The following INSYN2A variants were observed in gnomAD, a reference collection of about 807,000 sequenced individuals.
INSYN2A encodes the protein family with sequence similarity 196 member A.
In INSYN2A, 17 loss-of-function variants were observed where a neutral mutation model predicts 39.4. That is an observed-to-expected ratio of 0.43 (90% CI 0.30 to 0.65). INSYN2A has a LOEUF of 0.65. Among genes scored for constraint, INSYN2A ranks in the 30% least tolerant of loss-of-function variants. INSYN2A has a pLI of 0.14. For missense variants in INSYN2A, 595 were observed against 631.2 expected, an observed-to-expected ratio of 0.94 and a Z score of 0.61; for synonymous variants, 255 against 265.7, an observed-to-expected ratio of 0.96 and a Z score of 0.39.
intron 4 of INSYN2A, among the ~76,000 whole-genome samples, chr10:127,170,659 T>A (rs1311365594): frequency 1.3e-5 from 2 of 152,170 alleles, no homozygotes; most frequent in Non-Finnish European, 2.9e-5. Flanking sequence ...GGTCTGAGGA[T>A]CTCCTGCCCA....
intron 4 of INSYN2A, among the ~76,000 whole-genome samples, chr10:127,168,643 G>A (rs1485738083): frequency 6.6e-6 from 1 of 152,208 alleles, no homozygotes; most frequent in Non-Finnish European, 1.5e-5. Context: ...TATTAAGTGG[G>A]TAGGTTTTGG....
At chr10:127,187,795 C>CAAGCAA (rs759200445) in intron 2 of INSYN2A, among the ~76,000 whole-genome samples, 1 of 152,028 alleles carries the variant, frequency 6.6e-6, no homozygotes, top group Non-Finnish European at 1.5e-5. Flanking sequence ...AGCAAGCAAG[C>CAAGCAA]AAGCAAAAGC....
At chr10:127,187,690 C>G (rs1026677590) in intron 2 of INSYN2A, among the ~76,000 whole-genome samples, 1 of 150,448 alleles carries the variant, frequency 6.6e-6, no homozygotes, top group African/African-American at 2.5e-5. Context: ...ACTTGGAGGC[C>G]AGGAAGTTAA....
chr10:127,190,185 C>T (rs1376519980), intron 2 of INSYN2A, among the ~76,000 whole-genome samples: 1 of 152,230 alleles, frequency 6.6e-6, no homozygotes, highest in East Asian at 1.9e-4. Context: ...TTCTACCCAA[C>T]TGAATTTTCA....
At chr10:127,178,602 C>T (rs565020829) in intron 2 of INSYN2A, among the ~76,000 whole-genome samples, 2 of 152,268 alleles carry the variant, frequency 1.3e-5, no homozygotes, top group African/African-American at 4.8e-5. Flanking sequence ...TATAGTGTGT[C>T]CTGAAAGGTG....
At chr10:127,153,387 C>T (rs1002231799) in intron 5 of INSYN2A, among the ~76,000 whole-genome samples, 4 of 152,236 alleles carry the variant, frequency 2.6e-5, no homozygotes, top group African/African-American at 4.8e-5. Context: ...GGATTCTGCC[C>T]GGAGACAGGC....
intron 2 of INSYN2A, among the ~76,000 whole-genome samples, chr10:127,187,752 AAGAG>A (rs1173576895): frequency 6.6e-6 from 1 of 150,824 alleles, no homozygotes; most frequent in Non-Finnish European, 1.5e-5. Context: ...GAAAGAGAGA[AAGAG>A]AGAAAGAAAG....
chr10:127,153,733 C>A, intron 5 of INSYN2A, 119 bp downstream of exon 5: 1 of 743,812 alleles, frequency 1.3e-6, no homozygotes, highest in South Asian at 1.7e-5. Flanking sequence ...CAAGTAAGGT[C>A]CTTCACTTTT....
chr10:127,182,547 C>T (rs2055838018), intron 2 of INSYN2A, among the ~76,000 whole-genome samples: 1 of 152,124 alleles, frequency 6.6e-6, no homozygotes, highest in Non-Finnish European at 1.5e-5. Flanking sequence ...CTTTGCTCAT[C>T]CTGCTACATT....
At chr10:127,164,337 C>T (rs1405724188) in intron 4 of INSYN2A, among the ~76,000 whole-genome samples, 1 of 151,882 alleles carries the variant, frequency 6.6e-6, no homozygotes, top group Non-Finnish European at 1.5e-5. Context: ...GTGCCCGCCA[C>T]CACACCCCAC....
chr10:127,172,495 T>C (rs1320772533), intron 4 of INSYN2A, among the ~76,000 whole-genome samples: 2 of 152,188 alleles, frequency 1.3e-5, no homozygotes, highest in African/African-American at 4.8e-5. Context: ...TGCAGTCCTC[T>C]CCTATGTTCT....
At chr10:127,144,654 A>C (rs2051617978) in intron 5 of INSYN2A, among the ~76,000 whole-genome samples, 1 of 152,162 alleles carries the variant, frequency 6.6e-6, no homozygotes, top group Non-Finnish European at 1.5e-5. Flanking sequence ...GTTATATACT[A>C]TTTCTATATT....
intron 4 of INSYN2A, among the ~76,000 whole-genome samples, chr10:127,156,210 C>T (rs1176257333): frequency 6.6e-6 from 1 of 152,162 alleles, no homozygotes; most frequent in Non-Finnish European, 1.5e-5. Context: ...TTCCCAGTGC[C>T]TCACTTGCAT....
intron 2 of INSYN2A, among the ~76,000 whole-genome samples, chr10:127,191,726 T>C (rs966707222): frequency 3.3e-5 from 5 of 152,184 alleles, no homozygotes; most frequent in Non-Finnish European, 7.3e-5. Flanking sequence ...GAATAGGATA[T>C]AGCCCCATGC....
chr10:127,196,294 G>A lies in INSYN2A; in HGVS notation c.-692C>T, dbSNP rs2057141731. ...TTAGCGACGCGCGCGGGGAGGCAGC[G>A]GCTGGGCCAGCTCCGGGGACGCCCG... is the stretch of plus-strand genomic sequence containing the variant. On this transcript the variant is annotated 5_prime_UTR_variant, in exon 1 of 6. Transcript: ENST00000522781. The A allele has an allele frequency of 6.7e-6, 1 of 148,906 alleles. No individual in the cohort carries two copies. The highest frequency in any genetic ancestry group is 1.5e-5 in the Non-Finnish European group (1 of 66,978). The allele number at this position is 148,906 out of a possible 1,614,324, so 9.2% of individuals were successfully genotyped here.
At chr10:127,146,659 T>G (rs943230185) in intron 5 of INSYN2A, among the ~76,000 whole-genome samples, 6 of 152,118 alleles carry the variant, frequency 3.9e-5, no homozygotes, top group Non-Finnish European at 7.3e-5. Context: ...CACTAAACAT[T>G]AGGCAAAAGG....
rs889229055 is a variant in INSYN2A, at chr10:127,176,188, C to G, written c.208G>C (p.Gly70Arg). Residue 70 changes from glycine to arginine, a missense_variant, in exon 4 of 6, where the codon GGG becomes CGG. Gly to Arg is a moderately radical substitution (Grantham distance 125). This residue lies in a region of INSYN2A where 478 missense variants were observed against 467.4 expected (regional missense o/e 1.02). Transcript: ENST00000522781. This position sits in a 1 kb window ranked among gnomAD's most constrained non-coding sequence, Gnocchi z 4.4. ...RDTQLSSGQLGEKREAKPVSC... is the reference protein window; with the variant it reads ...RDTQLSSGQLREKREAKPVSC... ...ACGGGCTTGGCCTCCCGCTTCTCCC[C>G]CAGCTGGCCCGAGGACAGCTGTGTG... The G allele has an allele frequency of 9.3e-6, 15 of 1,614,138 alleles. No homozygotes were observed. The highest frequency in any genetic ancestry group is 1.3e-5 in the Non-Finnish European group (15 of 1,180,032).
chr10:127,167,706 A>G (rs975676432), intron 4 of INSYN2A, among the ~76,000 whole-genome samples: 4 of 152,102 alleles, frequency 2.6e-5, no homozygotes, highest in Admixed American at 2.6e-4. Context: ...AGGTCTCCTG[A>G]CGCTACATCA....
intron 2 of INSYN2A, among the ~76,000 whole-genome samples, chr10:127,179,572 A>C (rs1237530696): frequency 6.6e-6 from 1 of 152,132 alleles, no homozygotes; most frequent in Non-Finnish European, 1.5e-5. Context: ...TTTAAAATTG[A>C]ATTTCTGGAC....
Sources: gnomAD v4.1 joint callset for allele counts (sites outside exome capture counted in the v4.1 genomes callset) on GRCh38, gnomAD v4.1.1 for gene constraint, gnomAD v4.1.1 regional missense constraint, Gnocchi (gnomAD v3.1) non-coding constraint, MANE v1.5 for transcripts, NCBI Gene and HGNC (gene_info 2026-07-23, HGNC 2026-07-21) for gene names.